Variants in ATRNL1 observed in about 807,000 individuals in gnomAD.
ATRNL1 encodes attractin-like protein 1.
A neutral mutation model predicts 182.7 loss-of-function variants in ATRNL1; 95 were observed. The observed-to-expected ratio is 0.52, with a 90% CI of 0.44 to 0.62. The LOEUF (loss-of-function observed/expected upper bound fraction) is 0.62, where lower values mean the gene tolerates loss of function less well. Among genes scored for constraint, ATRNL1 ranks in the 20% least tolerant of loss-of-function variants. The probability of loss-of-function intolerance (pLI) is 0.00; values close to 1 mark genes in which losing one functional copy is unlikely to be tolerated. For synonymous variants in ATRNL1, 576 were observed against 568.3 expected (o/e 1.01, Z -0.19); for missense variants, 1,471 against 1,679.5 (o/e 0.88, Z 2.17).
At chr10:115,619,676 T>C (rs1393497097) in intron 26 of ATRNL1, among the ~76,000 whole-genome samples, 1 of 152,266 alleles carries the variant, frequency 6.6e-6, no homozygotes, top group Non-Finnish European at 1.5e-5. Flanking sequence ...TCTTATCTCA[T>C]TTGGATATGA....
At chr10:115,561,678 T>TGG (rs1554999653) in intron 26 of ATRNL1, among the ~76,000 whole-genome samples, 4 of 96,198 alleles carry the variant, frequency 4.2e-5, no homozygotes, top group Non-Finnish European at 8.4e-5. Flanking sequence ...TCTGTGTGTG[T>TGG]GTGTGTGTGT....
chr10:115,763,659 A>G (rs1948787416), intron 27 of ATRNL1, among the ~76,000 whole-genome samples: 1 of 152,060 alleles, frequency 6.6e-6, no homozygotes, highest in Non-Finnish European at 1.5e-5. Context: ...AGCACAATCA[A>G]TAAGAAAATG....
intron 26 of ATRNL1, among the ~76,000 whole-genome samples, chr10:115,571,362 A>G (rs372759357): frequency 3.3e-5 from 5 of 152,302 alleles, no homozygotes; most frequent in South Asian, 4.1e-4. Flanking sequence ...TATTTGCTTC[A>G]ACTTACCGTT....
intron 1 of ATRNL1, among the ~76,000 whole-genome samples, chr10:115,095,375 T>TA (rs58764432): frequency 5.2e-4 from 65 of 124,876 alleles, no homozygotes; most frequent in African/African-American, 7.4e-4. Flanking sequence ...TTTTTTTTTT[T>TA]AAAAAAAAAC....
chr10:115,764,435 C>T (rs75074193), intron 27 of ATRNL1, among the ~76,000 whole-genome samples: 1 of 152,050 alleles, frequency 6.6e-6, no homozygotes, highest in Non-Finnish European at 1.5e-5. Flanking sequence ...ATGTTCAATG[C>T]CCTAAAAATT....
chr10:115,687,659 A>G (rs994405762), intron 26 of ATRNL1, among the ~76,000 whole-genome samples: 5 of 152,024 alleles, frequency 3.3e-5, no homozygotes, highest in Non-Finnish European at 7.4e-5. Context: ...TGATAGTTCT[A>G]TTTTTAATTT....
intron 27 of ATRNL1, among the ~76,000 whole-genome samples, chr10:115,765,067 T>A (rs1555074706): frequency 6.6e-6 from 1 of 152,206 alleles, no homozygotes; most frequent in Non-Finnish European, 1.5e-5. Context: ...ATTTATTCAT[T>A]CACCTACTGA....
chr10:115,389,568 A>G lies in ATRNL1; in HGVS notation c.3176-5091A>G, dbSNP rs1433801068. ...TATATATATATATATATATATATAT[A>G]TATATATATATATATATATATATTT... On this transcript the variant is annotated intron_variant, in intron 19 of 28. Coordinates refer to ENST00000355044, the MANE Select transcript of ATRNL1 (RefSeq NM_207303.4). Among the ~76,000 whole-genome samples the G allele has an allele frequency of 2.0e-4, 23 of 116,660 alleles. 2 individuals are homozygous for G. Among genetic ancestry groups the G allele is most frequent in the East Asian group, 5.1e-4 (2 of 3,954 alleles). The allele number at this position is 116,660 out of a possible 152,430, so 76.5% of individuals were successfully genotyped here. A position where few individuals can be genotyped will look rare whatever the true frequency, so the allele number is the denominator to read the frequency against.
At chr10:115,407,527 T>A (rs146654147) in intron 20 of ATRNL1, among the ~76,000 whole-genome samples, 27 of 152,182 alleles carry the variant, frequency 1.8e-4, no homozygotes, top group Admixed American at 1.8e-3. Context: ...TGTAATGTCT[T>A]CCAGTTCCAT....
chr10:115,608,532 C>T (rs1218534978), intron 26 of ATRNL1, among the ~76,000 whole-genome samples: 2 of 152,016 alleles, frequency 1.3e-5, no homozygotes, highest in Non-Finnish European at 2.9e-5. Context: ...AAGTATATCA[C>T]AGTGGATTCA....
rs367927575 is a variant in ATRNL1 at position 115,395,176 on chromosome 10, G to T, written c.3269+424G>T. Among the ~76,000 whole-genome samples the T allele has an allele frequency of 5.3e-5, 8 of 151,930 alleles. No individual in the cohort carries two copies. In the East Asian group the frequency reaches 1.2e-3, roughly 22 times the overall value. ...TAGGATAATGTATCCATGTGGCAGA[G>T]GATATGATTTCATTTTTTATGGCTG... On this transcript the variant is annotated intron_variant, in intron 20 of 28. Transcript: ENST00000355044.
chr10:115,715,069 C>A (rs1014806531), intron 26 of ATRNL1, among the ~76,000 whole-genome samples: 3 of 152,148 alleles, frequency 2.0e-5, no homozygotes, highest in Admixed American at 1.3e-4. Context: ...GCCAAGAAAT[C>A]TGTCTGGTCA....
At chr10:115,567,086 G>A (rs1172562084) in intron 26 of ATRNL1, among the ~76,000 whole-genome samples, 1 of 152,116 alleles carries the variant, frequency 6.6e-6, no homozygotes, top group Admixed American at 6.6e-5. Context: ...ACATTGTTTA[G>A]CAAGGACCCA....
chr10:115,369,268 G>A (rs535149790), intron 19 of ATRNL1, among the ~76,000 whole-genome samples: 1 of 143,772 alleles, frequency 7.0e-6, no homozygotes, highest in Non-Finnish European at 1.5e-5. Flanking sequence ...GTGTGAGGGG[G>A]ATGGGGTAAT....
At chr10:115,294,039 A>C (rs1373835453) in intron 15 of ATRNL1, among the ~76,000 whole-genome samples, 1 of 152,194 alleles carries the variant, frequency 6.6e-6, no homozygotes, top group African/African-American at 2.4e-5. Context: ...GATTTATTAA[A>C]TATTTCTAGA....
At chr10:115,286,996 A>G (rs1852650658) in intron 15 of ATRNL1, among the ~76,000 whole-genome samples, 1 of 151,954 alleles carries the variant, frequency 6.6e-6, no homozygotes, top group Non-Finnish European at 1.5e-5. Flanking sequence ...ATATTACATA[A>G]GGGGTATGAT....
At chr10:115,642,690 C>T (rs1859331334) in intron 26 of ATRNL1, among the ~76,000 whole-genome samples, 1 of 152,152 alleles carries the variant, frequency 6.6e-6, no homozygotes, top group Admixed American at 6.5e-5. Flanking sequence ...GGTGATCCGC[C>T]CGCCTTGGCC....
At chr10:115,565,919 A>G (rs1854049604) in intron 26 of ATRNL1, among the ~76,000 whole-genome samples, 2 of 152,070 alleles carry the variant, frequency 1.3e-5, no homozygotes, top group South Asian at 2.1e-4. Context: ...TACTCAGTCT[A>G]TTTCTCTAAA....
intron 10 of ATRNL1, among the ~76,000 whole-genome samples, chr10:115,256,258 A>C (rs568894125): frequency 1.3e-5 from 2 of 152,086 alleles, no homozygotes; most frequent in Admixed American, 1.3e-4. Flanking sequence ...CTGTGAATCC[A>C]TCTGGTCCTG....
Sources: gnomAD v4.1 joint callset for allele counts (sites outside exome capture counted in the v4.1 genomes callset) on GRCh38, gnomAD v4.1.1 for gene constraint, MANE v1.5 for transcripts, NCBI Gene and HGNC (gene_info 2026-07-23, HGNC 2026-07-21) for gene names.